Variants in CNBD1 observed in about 807,000 individuals in gnomAD.
CNBD1 encodes cyclic nucleotide-binding domain-containing protein 1.
CNBD1 carries 71 observed loss-of-function variants against 54.4 expected under a neutral mutation model. The observed-to-expected ratio is 1.30, with a 90% CI of 1.08 to 1.59. The LOEUF (loss-of-function observed/expected upper bound fraction) is 1.59, where lower values mean the gene tolerates loss of function less well. Among genes scored for constraint, CNBD1 ranks in the 40% most tolerant of loss-of-function variants. The pLI is 0.00. For missense variants in CNBD1, 659 were observed against 518.0 expected (o/e 1.27, Z -2.64); for synonymous variants, 182 against 170.7 (o/e 1.07, Z -0.51).
intron 4 of CNBD1, among the ~76,000 whole-genome samples, chr8:87,002,580 G>A (rs1164277182): frequency 1.3e-5 from 2 of 149,990 alleles, no homozygotes; most frequent in African/African-American, 2.5e-5. Context: ...TCTTACTCAT[G>A]CTGAAACCTT....
At chr8:87,167,123 C>T (rs1812978897) in intron 4 of CNBD1, among the ~76,000 whole-genome samples, 1 of 151,840 alleles carries the variant, frequency 6.6e-6, no homozygotes, top group Non-Finnish European at 1.5e-5. Context: ...ATATTGTAAC[C>T]ATTAACACCT....
At chr8:86,970,342 G>A (rs143911582) in intron 4 of CNBD1, among the ~76,000 whole-genome samples, 1 of 152,000 alleles carries the variant, frequency 6.6e-6, no homozygotes, top group Non-Finnish European at 1.5e-5. Context: ...CTGTTCTTAT[G>A]ATTTTGTCTC....
At chr8:87,273,683 C>A (rs1324355611) in intron 6 of CNBD1, among the ~76,000 whole-genome samples, 7 of 151,956 alleles carry the variant, frequency 4.6e-5, no homozygotes, top group African/African-American at 1.7e-4. Flanking sequence ...TGCTGATCCA[C>A]TCCTTTTCTT....
chr8:86,930,864 G>A (rs1370917691), intron 3 of CNBD1, among the ~76,000 whole-genome samples: 1 of 152,116 alleles, frequency 6.6e-6, no homozygotes, highest in African/African-American at 2.4e-5. Flanking sequence ...AGGGCTTAGG[G>A]GATATTGCCT....
chr8:86,922,970 A>C (rs543394770), intron 3 of CNBD1, among the ~76,000 whole-genome samples: 3 of 152,300 alleles, frequency 2.0e-5, no homozygotes, highest in Admixed American at 6.5e-5. Flanking sequence ...ACATTTTAAA[A>C]AAGAACTGTT....
chr8:87,011,042 A>G (rs1225063164), intron 4 of CNBD1, among the ~76,000 whole-genome samples: 2 of 152,130 alleles, frequency 1.3e-5, no homozygotes, highest in Non-Finnish European at 2.9e-5. Flanking sequence ...GAATGGAAAC[A>G]TGTTATCTTG....
intron 10 of CNBD1, among the ~76,000 whole-genome samples, chr8:87,367,908 A>G (rs1317010825): frequency 6.6e-6 from 1 of 152,106 alleles, no homozygotes; most frequent in Non-Finnish European, 1.5e-5. Context: ...GTGGTGGCTT[A>G]CGCCTATAAT....
chr8:87,110,607 T>G (rs1370769266), intron 4 of CNBD1, among the ~76,000 whole-genome samples: 1 of 151,952 alleles, frequency 6.6e-6, no homozygotes, highest in African/African-American at 2.4e-5. Flanking sequence ...AAATATCCCC[T>G]GCCCTCCGGA....
Position 86,943,813 on chromosome 8 carries a change from A to C in CNBD1, c.431+4059A>C, listed in dbSNP as rs866158636. Among the ~76,000 whole-genome samples, 663 of 152,244 alleles carry C rather than the reference A, an allele frequency of 4.4e-3. 10 individuals are homozygous for C. The highest frequency in any genetic ancestry group is 0.015 in the African/African-American group (644 of 41,550). On this transcript the variant is annotated intron_variant, in intron 4 of 10. Transcript: ENST00000518476. The stretch of plus-strand genomic sequence containing the variant: ...GTTCATTAAAACAATCACAATAAAC[A>C]AAAAGGGAAGGGGGGACAGATGGAA...
chr8:87,121,500 C>A lies in CNBD1; in HGVS notation c.432-84493C>A, dbSNP rs562795340. On this transcript the variant is annotated intron_variant, in intron 4 of 10. Coordinates refer to ENST00000518476, the MANE Select transcript of CNBD1 (RefSeq NM_173538.3). ...GCCAATTGACATATTAGTCAACTTGCAAACCTATCATTTTTTATGGGGAAA... is the reference window on the plus strand; with the variant it reads ...GCCAATTGACATATTAGTCAACTTGAAAACCTATCATTTTTTATGGGGAAA... Among the ~76,000 whole-genome samples, 5 of 151,894 alleles carry A rather than the reference C, an allele frequency of 3.3e-5. No individual in the cohort carries two copies. In the South Asian group the frequency reaches 1.0e-3, roughly 31 times the overall value.
chr8:86,961,142 A>C (rs1019361695), intron 4 of CNBD1, among the ~76,000 whole-genome samples: 1 of 152,216 alleles, frequency 6.6e-6, no homozygotes, highest in Admixed American at 6.5e-5. Flanking sequence ...AAGTGTACAA[A>C]TAAACACATC....
chr8:87,284,115 G>C (rs796365566), intron 6 of CNBD1, among the ~76,000 whole-genome samples: 4 of 151,912 alleles, frequency 2.6e-5, no homozygotes, highest in African/African-American at 9.7e-5. Flanking sequence ...ACTTTTTCCT[G>C]AGTAAATATA....
intron 1 of CNBD1, among the ~76,000 whole-genome samples, chr8:86,878,068 CT>C (rs1178138609): frequency 7.5e-6 from 1 of 134,214 alleles, no homozygotes; most frequent in Non-Finnish European, 1.6e-5. Context: ...TTTTGTTTTT[CT>C]TTCATCAAAG....
At chr8:87,418,001 A>G (rs1807864040) in intron 2 of CNBD1, among the ~76,000 whole-genome samples, 1 of 152,128 alleles carries the variant, frequency 6.6e-6, no homozygotes, top group East Asian at 1.9e-4. Flanking sequence ...CAGATTTGCC[A>G]TAATTCCTAT....
intron 4 of CNBD1, among the ~76,000 whole-genome samples, chr8:87,172,289 A>T (rs1269771182): frequency 3.9e-5 from 6 of 152,272 alleles, no homozygotes; most frequent in Admixed American, 3.9e-4. Context: ...TGTGACCTAC[A>T]TATGGTCACA....
intron 6 of CNBD1, among the ~76,000 whole-genome samples, chr8:87,265,926 T>A (rs1808247130): frequency 6.6e-6 from 1 of 152,042 alleles, no homozygotes; most frequent in Admixed American, 6.6e-5. Context: ...AACAAAAAAT[T>A]CCCAGAAACT....
At chr8:87,150,832 G>C (rs7829967) in intron 4 of CNBD1, among the ~76,000 whole-genome samples, 2,629 of 152,266 alleles carry the variant, frequency 0.017, 78 homozygotes, top group African/African-American at 0.06. Context: ...ATATTTCAAA[G>C]AGATAGCTCT....
intron 4 of CNBD1, among the ~76,000 whole-genome samples, chr8:87,151,375 A>G (rs1442984234): frequency 6.6e-6 from 1 of 152,248 alleles, no homozygotes; most frequent in Non-Finnish European, 1.5e-5. Context: ...TGAAACTCAC[A>G]TTCTAGTGGG....
chr8:87,338,352 C>T (rs1354948444), intron 8 of CNBD1, among the ~76,000 whole-genome samples: 5 of 152,018 alleles, frequency 3.3e-5, no homozygotes, highest in Admixed American at 6.6e-5. Flanking sequence ...ATATTTCTTG[C>T]AAGGCAGGTC....
Sources: allele counts gnomAD v4.1 joint callset (sites outside exome capture counted in the v4.1 genomes callset), GRCh38; gene constraint gnomAD v4.1.1; transcripts MANE v1.5; gene names NCBI Gene and HGNC (gene_info 2026-07-23, HGNC 2026-07-21).